The following CTNNA3 variants were observed in gnomAD, a reference collection of about 807,000 sequenced individuals.
CTNNA3 encodes the protein catenin alpha 3.
Under a neutral mutation model 95.7 loss-of-function variants are expected in CTNNA3, and 76 were observed. The observed-to-expected ratio is 0.79, with a 90% confidence interval of 0.66 to 0.96. The LOEUF is 0.96. Among genes scored for constraint, CTNNA3 ranks in the 40% least tolerant of loss-of-function variants. CTNNA3 has a pLI of 0.00. For synonymous variants in CTNNA3, 431 were observed against 374.4 expected (o/e 1.15, Z -1.74); for missense variants, 1,191 against 1,089.8 (o/e 1.09, Z -1.31).
chr10:66,303,163 TAAC>T (rs2132233940), intron 12 of CTNNA3, among the ~76,000 whole-genome samples: 1 of 152,248 alleles, frequency 6.6e-6, no homozygotes, highest in African/African-American at 2.4e-5. Flanking sequence ...GGATAAACAC[TAAC>T]AACACTTCTC....
Position 67,565,979 on chromosome 10 carries a change from A to T in CTNNA3, c.293-26310T>A, listed in dbSNP as rs1391145277. On this transcript the variant is annotated intron_variant, in intron 3 of 17. Transcript: ENST00000433211. ...ATCAATAGATGAATGGATAAAGAAA[A>T]TGCAGTATATATATATTATATATAT... 5.5e-5 allele frequency among the ~76,000 whole-genome samples: 7 copies of T among 128,356 alleles called. 1 individual carries two copies. The highest frequency in any genetic ancestry group is 4.1e-4 in the Admixed American group (5 of 12,236). The allele number at this position is 128,356 out of a possible 152,430, so 84.2% of individuals were successfully genotyped here.
chr10:66,493,667 G>A (rs370426086), intron 11 of CTNNA3, among the ~76,000 whole-genome samples: 1 of 143,772 alleles, frequency 7.0e-6, no homozygotes, highest in African/African-American at 2.7e-5. Flanking sequence ...GTTCAGTGGC[G>A]TGATCTCCGG....
chr10:67,098,113 T>C (rs1304428756), intron 7 of CTNNA3: 12 of 317,110 alleles, frequency 3.8e-5, no homozygotes, highest in Admixed American at 1.8e-4. Context: ...ATTTTTCATA[T>C]TGTAAAGTTT....
intron 10 of CTNNA3, among the ~76,000 whole-genome samples, chr10:66,604,735 G>T (rs908087988): frequency 1.4e-5 from 2 of 144,754 alleles, no homozygotes; most frequent in African/African-American, 5.2e-5. Flanking sequence ...CCAGTTGGCA[G>T]AATTCACTTC....
At chr10:66,191,482 A>G (rs915257104) in intron 13 of CTNNA3, among the ~76,000 whole-genome samples, 1 of 152,068 alleles carries the variant, frequency 6.6e-6, no homozygotes, top group South Asian at 2.1e-4. Flanking sequence ...AGGCCTAATC[A>G]TGCAGAAACT....
At chr10:66,312,301 G>A (rs2092031949) in intron 12 of CTNNA3, among the ~76,000 whole-genome samples, 1 of 152,102 alleles carries the variant, frequency 6.6e-6, no homozygotes, top group Admixed American at 6.6e-5. Flanking sequence ...ATCTCACTAT[G>A]TAGTTAGGCC....
At chr10:66,838,612 A>G (rs955111193) in intron 7 of CTNNA3, among the ~76,000 whole-genome samples, 1 of 152,124 alleles carries the variant, frequency 6.6e-6, no homozygotes, top group Non-Finnish European at 1.5e-5. Flanking sequence ...TGGACAGCAT[A>G]TGTATAATAC....
In CTNNA3 at chr10:66,800,075, T is replaced by C. The variant is rs78167268; in HGVS notation, c.1048-24551A>G. Among the ~76,000 whole-genome samples, 424 of 151,530 alleles carry C rather than the reference T, an allele frequency of 2.8e-3. 4 individuals carry two copies. Among genetic ancestry groups the C allele is most frequent in the African/African-American group, 9.7e-3 (404 of 41,498 alleles). ...ATAGAAAATACTAAAGAAAGGTCTT[T>C]AAGTAAGGTTGAATCATCAGTGTTT... On this transcript the variant is annotated intron_variant, in intron 7 of 17. Coordinates refer to ENST00000433211, the MANE Select transcript of CTNNA3 (RefSeq NM_013266.4).
intron 11 of CTNNA3, among the ~76,000 whole-genome samples, chr10:66,447,299 T>C (rs1409158864): frequency 8.6e-5 from 13 of 152,012 alleles, no homozygotes; most frequent in Admixed American, 7.9e-4. Context: ...ACCAATGACT[T>C]TCTTCACAGA....
intron 7 of CTNNA3, among the ~76,000 whole-genome samples, chr10:66,802,562 G>A (rs1328256894): frequency 6.6e-6 from 1 of 151,576 alleles, no homozygotes. Flanking sequence ...ATGGTACCAC[G>A]TCTTTGAAAA....
intron 15 of CTNNA3, among the ~76,000 whole-genome samples, chr10:66,010,572 G>A (rs917374212): frequency 6.6e-6 from 1 of 152,108 alleles, no homozygotes; most frequent in Non-Finnish European, 1.5e-5. Context: ...GAAGGGCTGG[G>A]AATTGTAGGT....
At chr10:66,687,032 A>C (rs2132522117) in intron 9 of CTNNA3, among the ~76,000 whole-genome samples, 1 of 152,256 alleles carries the variant, frequency 6.6e-6, no homozygotes, top group South Asian at 2.1e-4. Flanking sequence ...CTTTGATACA[A>C]ATGACATACT....
chr10:66,515,265 ATATCTATCTATC>A (rs10606169), intron 11 of CTNNA3, among the ~76,000 whole-genome samples: 9 of 145,914 alleles, frequency 6.2e-5, no homozygotes, highest in African/African-American at 1.3e-4. Context: ...CTTATTCCCT[ATATCTATCTATC>A]TATCTATCTA....
chr10:66,884,073 TGA>T (rs1469995177), intron 7 of CTNNA3, among the ~76,000 whole-genome samples: 7 of 151,840 alleles, frequency 4.6e-5, no homozygotes, highest in Admixed American at 4.6e-4. Context: ...AGAGGAAGCA[TGA>T]GAGAGGGGGA....
At chr10:66,479,979 C>CACACACACACA (rs1565003130) in intron 11 of CTNNA3, among the ~76,000 whole-genome samples, 2 of 146,438 alleles carry the variant, frequency 1.4e-5, no homozygotes, top group South Asian at 2.1e-4. Flanking sequence ...CACACACACA[C>CACACACACACA]CCCAGAACTT....
Position 66,234,448 on chromosome 10 carries a change from G to T in CTNNA3, c.1884+46022C>A, listed in dbSNP as rs554017892. 1.8e-4 allele frequency among the ~76,000 whole-genome samples: 27 copies of T among 152,178 alleles called. 1 individual carries two copies. The South Asian group carries it at 5.2e-3, about 29-fold the overall frequency. On this transcript the variant is annotated intron_variant, in intron 13 of 17. Transcript: ENST00000433211. ...GCCTGGAAAATATTGCTGGATTCAA[G>T]ATATGTGTGTGAAGGATGATTGAAC... is the stretch of plus-strand genomic sequence containing the variant.
At chr10:66,454,704 A>G (rs948631767) in intron 11 of CTNNA3, among the ~76,000 whole-genome samples, 1 of 151,986 alleles carries the variant, frequency 6.6e-6, no homozygotes, top group African/African-American at 2.4e-5. Context: ...TAGAAGAGGT[A>G]ACACTTTCCA....
intron 5 of CTNNA3, among the ~76,000 whole-genome samples, chr10:67,231,501 C>T (rs1865208308): frequency 6.6e-6 from 1 of 152,158 alleles, no homozygotes; most frequent in South Asian, 2.1e-4. Context: ...ACAGAAAGGA[C>T]ATCCACACCA....
intron 13 of CTNNA3, among the ~76,000 whole-genome samples, chr10:66,255,294 A>C (rs2090723172): frequency 6.6e-6 from 1 of 152,170 alleles, no homozygotes; most frequent in Non-Finnish European, 1.5e-5. Flanking sequence ...AATCCCTCGC[A>C]GGCACTTCAG....
Sources: gnomAD v4.1 joint callset for allele counts (sites outside exome capture counted in the v4.1 genomes callset) on GRCh38, gnomAD v4.1.1 for gene constraint, MANE v1.5 for transcripts, NCBI Gene and HGNC (gene_info 2026-07-23, HGNC 2026-07-21) for gene names.